Variants in PRRC2C observed in about 807,000 individuals in gnomAD.
PRRC2C encodes the protein protein PRRC2C.
In PRRC2C, 72 loss-of-function variants were observed where a neutral mutation model predicts 317.2. The observed-to-expected ratio is 0.23, with a 90% CI of 0.19 to 0.28. The LOEUF (loss-of-function observed/expected upper bound fraction) is 0.28. Among genes scored for constraint, PRRC2C ranks in the 10% least tolerant of loss-of-function variants. The pLI, the probability that PRRC2C is intolerant of heterozygous loss-of-function variation, is 1.00. For missense variants in PRRC2C, 3,074 were observed against 3,459.7 expected (o/e 0.89, Z 2.80); for synonymous variants, 1,296 against 1,205.9 (o/e 1.07, Z -1.55).
At chr1:171,575,164 A>G in intron 25 of PRRC2C, 36 bp downstream of exon 25, 3 of 1,525,070 alleles carry the variant, frequency 2.0e-6, no homozygotes, top group Non-Finnish European at 2.7e-6. Flanking sequence ...TAAATATCTT[A>G]CATTATTTAA....
intron 28 of PRRC2C, among the ~76,000 whole-genome samples, chr1:171,581,458 C>G (rs1353947598): frequency 6.6e-6 from 1 of 152,126 alleles, no homozygotes; most frequent in Non-Finnish European, 1.5e-5. Context: ...TTTGTAATCC[C>G]CATTTCACTA....
At chr1:171,588,095 C>G (rs1650471884) in intron 32 of PRRC2C, among the ~76,000 whole-genome samples, 1 of 152,080 alleles carries the variant, frequency 6.6e-6, no homozygotes, top group Non-Finnish European at 1.5e-5. Flanking sequence ...GCCTCAGCCT[C>G]CTGAGTAGCT....
chr1:171,499,155 A>T (rs576869532), intron 1 of PRRC2C, among the ~76,000 whole-genome samples: 18 of 152,260 alleles, frequency 1.2e-4, no homozygotes, highest in Admixed American at 1.1e-3. Context: ...GCTGTCTTTC[A>T]CATTCTCCCA....
chr1:171,543,437 T>C (rs1179412641), intron 16 of PRRC2C, among the ~76,000 whole-genome samples: 1 of 152,212 alleles, frequency 6.6e-6, no homozygotes, highest in East Asian at 1.9e-4. Context: ...ATCTCGGCTC[T>C]AGTACTTTCT....
intron 1 of PRRC2C, among the ~76,000 whole-genome samples, chr1:171,506,331 C>G (rs1670214883): frequency 6.6e-6 from 1 of 152,194 alleles, no homozygotes; most frequent in African/African-American, 2.4e-5. Flanking sequence ...TTCTGTTTCT[C>G]TGTATGTAAA....
At chr1:171,530,430 G>A (rs1308472624) in intron 11 of PRRC2C, among the ~76,000 whole-genome samples, 1 of 151,758 alleles carries the variant, frequency 6.6e-6, no homozygotes, top group Admixed American at 6.6e-5. Flanking sequence ...ATTTTTTGTA[G>A]AGATGGGGTT....
chr1:171,569,816 A>T (rs893002340), intron 23 of PRRC2C, among the ~76,000 whole-genome samples: 1 of 151,584 alleles, frequency 6.6e-6, no homozygotes. Context: ...TTTAAAGTAT[A>T]TGATGCTTTT....
intron 17 of PRRC2C, 25 bp from the exon 18 acceptor site, chr1:171,550,061 C>A: frequency 6.6e-7 from 1 of 1,509,838 alleles, no homozygotes; most frequent in Non-Finnish European, 8.9e-7. Context: ...CAGAAAATAT[C>A]TTAAATCCTT....
chr1:171,591,949 T>C lies in PRRC2C; in HGVS notation c.*102T>C. ...AAAGGGGCAAAATGGCCTGTGACAT[T>C]ATCCTGTTCAGAGCTTGGAGATGTA... On this transcript the variant is annotated 3_prime_UTR_variant, in exon 35 of 35. Transcript: ENST00000647382. 7.0e-7 allele frequency: 1 copy of C among 1,419,778 alleles called. No individual in the cohort carries two copies. Among genetic ancestry groups the C allele is most frequent in the African/African-American group, 1.4e-5 (1 of 69,834 alleles). The allele number at this position is 1,419,778 out of a possible 1,614,324, so 87.9% of individuals were successfully genotyped here.
At chr1:171,501,603 C>T (rs1475389113) in intron 1 of PRRC2C, among the ~76,000 whole-genome samples, 1 of 152,034 alleles carries the variant, frequency 6.6e-6, no homozygotes, top group Admixed American at 6.6e-5. Flanking sequence ...GATCCTCTGC[C>T]CTTAATGATT....
At chr1:171,538,984 G>T (rs1269996610) in intron 15 of PRRC2C, among the ~76,000 whole-genome samples, 2 of 151,492 alleles carry the variant, frequency 1.3e-5, no homozygotes, top group African/African-American at 2.4e-5. Flanking sequence ...AGGATTACAG[G>T]CATGAGCCAC....
chr1:171,525,876 T>C (rs1674472994), intron 10 of PRRC2C, among the ~76,000 whole-genome samples: 1 of 152,174 alleles, frequency 6.6e-6, no homozygotes, highest in Non-Finnish European at 1.5e-5. Flanking sequence ...AGTAGTTTGA[T>C]ATAGGAGAGA....
intron 26 of PRRC2C, 34 bp from the exon 27 acceptor site, chr1:171,579,320 C>T (rs771502175): frequency 8.1e-5 from 128 of 1,586,870 alleles, no homozygotes; most frequent in Non-Finnish European, 1.1e-4. Context: ...AATTAGGACA[C>T]TTACTACTGC....
chr1:171,537,963 C>T (rs997474752), intron 15 of PRRC2C, among the ~76,000 whole-genome samples: 1 of 151,964 alleles, frequency 6.6e-6, no homozygotes, highest in Non-Finnish European at 1.5e-5. Context: ...TGCAGTGGCG[C>T]GATCTCAGCT....
intron 1 of PRRC2C, 22 bp downstream of exon 1, chr1:171,485,757 G>A (rs1410442249): frequency 1.3e-5 from 2 of 152,290 alleles, no homozygotes; most frequent in African/African-American, 4.8e-5. Flanking sequence ...GAGGGTGTGG[G>A]GGCCGCGATC....
chr1:171,557,455 C>T lies in PRRC2C; in HGVS notation c.5343C>T (p.Ala1781=). ...CGGCAACCTTAACTCCAGTTCCAGCCTCAACCTCAGCTCCGGTTCCAGCCT... is the reference window on the plus strand; with the variant it reads ...CGGCAACCTTAACTCCAGTTCCAGCTTCAACCTCAGCTCCGGTTCCAGCCT... ...PLPATLTPVP[A]STSAPVPAST... Residue 1781 remains alanine, a synonymous_variant, in exon 19 of 35, where the codon GCC becomes GCT. Coordinates refer to ENST00000647382, the MANE Select transcript of PRRC2C (RefSeq NM_001387844.1). 1.2e-5 allele frequency: 18 copies of T among 1,543,322 alleles called. No homozygotes were observed. Among genetic ancestry groups the T allele is most frequent in the Non-Finnish European group, 1.5e-5 (17 of 1,140,998 alleles).
At chr1:171,509,832 G>A (rs1269091369) in intron 1 of PRRC2C, 11 of 138,720 alleles carry the variant, frequency 7.9e-5, no homozygotes, top group Non-Finnish European at 1.4e-4. Flanking sequence ...ACATGTCTCA[G>A]AAACATTGTT....
Position 171,557,471 on chromosome 1 carries a change from G to T in PRRC2C, c.5359G>T (p.Val1787Phe), listed in dbSNP as rs779318066. The change falls in exon 19 of 35, where the codon GTT becomes TTT. Residue 1787 changes from valine (V) to phenylalanine (F), a missense_variant. By Grantham distance (50) the Val-to-Phe change is conservative. Transcript: ENST00000647382. The stretch of plus-strand genomic sequence containing the variant: ...AGTTCCAGCCTCAACCTCAGCTCCG[G>T]TTCCAGCCTCAACTTTAGCTCCAGT... ...TPVPASTSAP[V>F]PASTLAPVLA... 6.4e-7 allele frequency: 1 copy of T among 1,551,128 alleles called. No individual in the cohort carries two copies. Among genetic ancestry groups the T allele is most frequent in the South Asian group, 1.2e-5 (1 of 84,026 alleles).
In PRRC2C at chr1:171,579,894, C is replaced by A; in HGVS notation, c.7339C>A (p.Leu2447Met). Residue 2447 changes from leucine (L) to methionine (M), a missense_variant, in exon 28 of 35, where the codon CTG becomes ATG. This residue lies in a region of PRRC2C where 490 missense variants were observed against 663.1 expected (regional missense o/e 0.74). Transcript: ENST00000647382. ...ACTGCAAGGGCAGCATCAAGCCCAA[C>A]TGAGTTTGGGGGCTGGCCCTGCTGT... is the stretch of plus-strand genomic sequence containing the variant. Reference protein sequence around the residue: ...APLQGQHQAQLSLGAGPAVSQ... With the variant: ...APLQGQHQAQMSLGAGPAVSQ... The A allele has an allele frequency of 6.3e-7, 1 of 1,598,968 alleles. No homozygotes were observed. The highest frequency in any genetic ancestry group is 1.1e-5 in the South Asian group (1 of 88,282).
Sources: gnomAD v4.1 joint callset for allele counts (sites outside exome capture counted in the v4.1 genomes callset) on GRCh38, gnomAD v4.1.1 for gene constraint, gnomAD v4.1.1 regional missense constraint, MANE v1.5 for transcripts, NCBI Gene and HGNC (gene_info 2026-07-23, HGNC 2026-07-21) for gene names.